The following SHCBP1 variants were observed in gnomAD, a reference collection of about 807,000 sequenced individuals.
SHCBP1 encodes SHC binding and spindle associated 1, also known as SHC SH2 domain-binding protein 1.
In SHCBP1, 60 loss-of-function variants were observed where a neutral mutation model predicts 75.1. The ratio of observed to expected loss-of-function variants is 0.80; its 90% CI spans 0.65 to 0.99. The LOEUF (loss-of-function observed/expected upper bound fraction) is 0.99, where lower values mean the gene tolerates loss of function less well. SHCBP1 is among the 50% of genes least tolerant of loss of function. The probability of loss-of-function intolerance (pLI) is 0.00; values close to 1 mark genes in which losing one functional copy is unlikely to be tolerated. For synonymous variants in SHCBP1, 290 were observed against 293.2 expected (o/e 0.99, Z 0.11); for missense variants, 709 against 809.4 (o/e 0.88, Z 1.50).
chr16:46,620,338 A>G (rs941221703), intron 1 of SHCBP1: 1 of 152,238 alleles, frequency 6.6e-6, no homozygotes, highest in Non-Finnish European at 1.5e-5. Flanking sequence ...TTCACACTGC[A>G]TAACTGAAAC....
At chr16:46,594,338 C>T (rs1208986091) in intron 10 of SHCBP1, among the ~76,000 whole-genome samples, 2 of 152,092 alleles carry the variant, frequency 1.3e-5, no homozygotes, top group South Asian at 2.1e-4. Flanking sequence ...GTCTCCAAAC[C>T]ACATACCTGA....
At chr16:46,612,298 T>A (rs1490603444) in intron 4 of SHCBP1, among the ~76,000 whole-genome samples, 1 of 152,184 alleles carries the variant, frequency 6.6e-6, no homozygotes, top group African/African-American at 2.4e-5. Context: ...ATTTCAGAGA[T>A]GAGGTCAGGG....
intron 9 of SHCBP1, among the ~76,000 whole-genome samples, chr16:46,596,992 T>C (rs1596676943): frequency 6.6e-6 from 1 of 152,038 alleles, no homozygotes; most frequent in Non-Finnish European, 1.5e-5. Context: ...CTGCCCAAAG[T>C]GCTGGGATTG....
intron 4 of SHCBP1, among the ~76,000 whole-genome samples, chr16:46,613,673 T>A (rs1965452899): frequency 6.6e-6 from 1 of 152,240 alleles, no homozygotes; most frequent in Non-Finnish European, 1.5e-5. Flanking sequence ...GGACACTCTG[T>A]AATTCATCAC....
Position 46,595,734 on chromosome 16 carries a change from G to T in SHCBP1, c.1346-64C>A, listed in dbSNP as rs115455117. 4.5e-4 allele frequency: 517 copies of T among 1,161,244 alleles called. 2 individuals are homozygous for T. In the African/African-American group the frequency reaches 6.8e-3, roughly 15 times the overall value. The allele number at this position is 1,161,244 out of a possible 1,614,324, so 71.9% of individuals were successfully genotyped here. On this transcript the variant is annotated intron_variant, in intron 9 of 12. Coordinates refer to ENST00000303383, the MANE Select transcript of SHCBP1 (RefSeq NM_024745.5). ...TGTGCCTTTTCCAATGTTAGAGATA[G>T]CCTCGCGCTGACATTAGCTATGGTC...
At chr16:46,599,383 A>C (rs1965192640) in intron 9 of SHCBP1, among the ~76,000 whole-genome samples, 1 of 152,174 alleles carries the variant, frequency 6.6e-6, no homozygotes, top group Non-Finnish European at 1.5e-5. Context: ...GTCTCAAGGA[A>C]TAGGGTAGCC....
intron 8 of SHCBP1, among the ~76,000 whole-genome samples, chr16:46,600,656 T>A (rs1372254950): frequency 6.6e-6 from 1 of 152,174 alleles, no homozygotes; most frequent in African/African-American, 2.4e-5. Context: ...TGGCTTAAAA[T>A]CTGACAAACT....
chr16:46,585,511 A>T (rs191510210), intron 10 of SHCBP1, among the ~76,000 whole-genome samples: 132 of 152,186 alleles, frequency 8.7e-4, no homozygotes, highest in African/African-American at 3.1e-3. Flanking sequence ...GTACACCAAC[A>T]GACATACACC....
At position 46,604,117 on chromosome 16, in the gene SHCBP1, G is replaced by C. The variant is rs1965287887; in HGVS notation, c.950C>G (p.Ser317Cys). 6.2e-7 allele frequency: 1 copy of C among 1,614,112 alleles called. No homozygotes were observed. The highest frequency in any genetic ancestry group is 2.2e-5 in the East Asian group (1 of 44,888). ...LRYVFGYQKN[S>C]NIQAKGVRSS... Reference sequence around the variant, plus strand: ...ACGGACACCCTTTGCTTGGATGTTAGAATTCTTCTGATAACCAAACACATA... The same window carrying C: ...ACGGACACCCTTTGCTTGGATGTTACAATTCTTCTGATAACCAAACACATA... Residue 317 changes from serine to cysteine, a missense_variant, in exon 7 of 13, where the codon TCT becomes TGT. By Grantham distance (112) the Ser-to-Cys change is moderately radical (BLOSUM62 -1). Coordinates refer to ENST00000303383, the MANE Select transcript of SHCBP1 (RefSeq NM_024745.5).
chr16:46,603,256 C>T (rs535088229), intron 8 of SHCBP1, among the ~76,000 whole-genome samples: 1 of 151,866 alleles, frequency 6.6e-6, no homozygotes, highest in Admixed American at 6.6e-5. Context: ...TTCCATAAAC[C>T]ACCTACAATC....
intron 12 of SHCBP1, among the ~76,000 whole-genome samples, 180 bp downstream of exon 12, chr16:46,583,336 G>A (rs1235189331): frequency 6.6e-6 from 1 of 152,174 alleles, no homozygotes; most frequent in Non-Finnish European, 1.5e-5. Flanking sequence ...AGTTGACCTT[G>A]AAAGTTTCTT....
chr16:46,600,653 A>C (rs1278445860), intron 8 of SHCBP1, among the ~76,000 whole-genome samples: 1 of 152,224 alleles, frequency 6.6e-6, no homozygotes, highest in East Asian at 1.9e-4. Context: ...AGTTGGCTTA[A>C]AATCTGACAA....
At position 46,619,118 on chromosome 16, in the gene SHCBP1, T is replaced by C. The variant is rs181796615; in HGVS notation, c.104-746A>G. On this transcript the variant is annotated intron_variant, in intron 1 of 12. Coordinates refer to ENST00000303383, the MANE Select transcript of SHCBP1 (RefSeq NM_024745.5). ...TCCTCCTCACTAATTTCAATGACTG[T>C]GTCTAAGGAAAAGATCAGAAAATGC... 3.9e-5 allele frequency among the ~76,000 whole-genome samples: 6 copies of C among 152,288 alleles called. No individual in the cohort carries two copies. In the East Asian group the frequency reaches 9.6e-4, roughly 24 times the overall value.
chr16:46,586,407 T>C (rs1964955237), intron 10 of SHCBP1, among the ~76,000 whole-genome samples: 1 of 151,988 alleles, frequency 6.6e-6, no homozygotes, highest in East Asian at 1.9e-4. Flanking sequence ...ACAGTAAAAT[T>C]TACCCAATAG....
chr16:46,610,806 A>G (rs1156381791), intron 4 of SHCBP1, among the ~76,000 whole-genome samples: 1 of 151,448 alleles, frequency 6.6e-6, no homozygotes, highest in Non-Finnish European at 1.5e-5. Flanking sequence ...TGATCCGCCC[A>G]CCTTGGCCTC....
In SHCBP1 at chr16:46,583,530, T is replaced by G; in HGVS notation, c.1679A>C (p.Glu560Ala). ...ACTAAATATACCTTCAGTTCCATCT[T>G]CAGCATTTTCTTGCAGGTCAGAGAA... ...TIFSDLQENA[E>A]DGTEENKALK... The change falls in exon 12 of 13, where the codon GAA becomes GCA. Residue 560 changes from glutamate (E) to alanine (A), a missense_variant. By Grantham distance (107) the Glu-to-Ala change is moderately radical (BLOSUM62 -1). Transcript: ENST00000303383. The G allele has an allele frequency of 6.3e-7, 1 of 1,597,194 alleles. No individual in the cohort carries two copies. Among genetic ancestry groups the G allele is most frequent in the Non-Finnish European group, 8.5e-7 (1 of 1,176,382 alleles).
In SHCBP1 at chr16:46,578,678, A is replaced by G. The variant is rs371717553; in HGVS notation, c.*3051T>C. 7.2e-5 allele frequency among the ~76,000 whole-genome samples: 11 copies of G among 152,352 alleles called. No individual in the cohort carries two copies. In the South Asian group the frequency reaches 8.3e-4, roughly 11 times the overall value. ...TTCACCACATATAAGACTTTAAAACATATACATATATATATTTAATCACAG... is the reference window on the plus strand; with the variant it reads ...TTCACCACATATAAGACTTTAAAACGTATACATATATATATTTAATCACAG... On this transcript the variant is annotated 3_prime_UTR_variant, in exon 13 of 13. Coordinates refer to ENST00000303383, the MANE Select transcript of SHCBP1 (RefSeq NM_024745.5).
intron 10 of SHCBP1, among the ~76,000 whole-genome samples, chr16:46,590,557 C>T (rs1965028346): frequency 6.6e-6 from 1 of 152,274 alleles, no homozygotes; most frequent in Middle Eastern, 3.4e-3. Flanking sequence ...CCAACAGACA[C>T]ATGAAAAAAT....
At chr16:46,585,351 T>C (rs995522115) in intron 10 of SHCBP1, among the ~76,000 whole-genome samples, 1 of 151,976 alleles carries the variant, frequency 6.6e-6, no homozygotes, top group African/African-American at 2.4e-5. Context: ...GGGCATTATA[T>C]ATAAAACAAG....
Sources: gnomAD v4.1 joint callset for allele counts (sites outside exome capture counted in the v4.1 genomes callset) on GRCh38, gnomAD v4.1.1 for gene constraint, MANE v1.5 for transcripts, NCBI Gene and HGNC (gene_info 2026-07-23, HGNC 2026-07-21) for gene names.